Variants in CADM2 observed in about 807,000 individuals in gnomAD.
CADM2 encodes immunoglobulin superfamily member 4D.
Under a neutral mutation model 49.8 loss-of-function variants are expected in CADM2, and 12 were observed. That is an observed-to-expected ratio of 0.24 (90% CI 0.15 to 0.39). The LOEUF is 0.39. Among genes scored for constraint, CADM2 ranks in the 10% least tolerant of loss-of-function variants. CADM2 has a pLI of 1.00. For missense variants in CADM2, 378 were observed against 492.3 expected, an observed-to-expected ratio of 0.77 and a Z score of 2.20; for synonymous variants, 214 against 175.4, an observed-to-expected ratio of 1.22 and a Z score of -1.74.
intron 1 of CADM2, among the ~76,000 whole-genome samples, chr3:85,074,876 CT>C (rs1158295961): frequency 4.0e-5 from 6 of 151,538 alleles, no homozygotes; most frequent in Admixed American, 6.6e-5. Flanking sequence ...TAAGTATCAA[CT>C]TTCCTTCCAT....
At chr3:85,909,827 A>C (rs2108473883) in intron 5 of CADM2, among the ~76,000 whole-genome samples, 1 of 152,306 alleles carries the variant, frequency 6.6e-6, no homozygotes, top group South Asian at 2.1e-4. Context: ...ATGCATCGTT[A>C]TTTTAAAAAT....
intron 1 of CADM2, among the ~76,000 whole-genome samples, chr3:85,568,396 C>G (rs10222456): frequency 9.8e-6 from 1 of 102,564 alleles, no homozygotes; most frequent in African/African-American, 3.0e-5. Context: ...TTCCTTCCTC[C>G]CTCTTTCTTT....
At chr3:85,757,267 G>T (rs767900113) in intron 2 of CADM2, among the ~76,000 whole-genome samples, 1 of 152,038 alleles carries the variant, frequency 6.6e-6, no homozygotes, top group Admixed American at 6.6e-5. Flanking sequence ...TTGAAGACGC[G>T]TATTTGTTCA....
intron 8 of CADM2, among the ~76,000 whole-genome samples, chr3:85,977,869 G>A (rs890194776): frequency 1.3e-5 from 2 of 151,552 alleles, no homozygotes; most frequent in South Asian, 2.1e-4. Context: ...ATAAGAGAGC[G>A]ATCTCATGCT....
chr3:85,239,628 G>T (rs1489573316), intron 1 of CADM2, among the ~76,000 whole-genome samples: 1 of 151,418 alleles, frequency 6.6e-6, no homozygotes, highest in African/African-American at 2.4e-5. Flanking sequence ...CTATTCTTAA[G>T]ATTATATTAG....
chr3:85,383,503 C>CATATATATAT lies in CADM2; in HGVS notation c.62-343016_62-343007dup, dbSNP rs1241135851. Among the ~76,000 whole-genome samples the CATATATATAT allele has an allele frequency of 9.5e-3, 1,033 of 108,956 alleles. 20 individuals are homozygous for CATATATATAT. Among genetic ancestry groups the CATATATATAT allele is most frequent in the Middle Eastern group, 0.022 (4 of 186 alleles). The allele number at this position is 108,956 out of a possible 152,430, so 71.5% of individuals were successfully genotyped here. On this transcript the variant is annotated intron_variant, in intron 1 of 9. Coordinates refer to ENST00000383699, the MANE Select transcript of CADM2 (RefSeq NM_001167675.2). The stretch of plus-strand genomic sequence containing the variant: ...TAATATAATACTTTATACATAAAAC[C>CATATATATAT]ATATATATATATGTATATATATATA...
rs10663610 is a variant in CADM2, at chr3:86,066,332, C to CAAAAAAAAA, written c.1097-315_1097-307dup. ...TGGGCGAGAGAGCGAGACTCCGTCT[C>CAAAAAAAAA]AAAAAAAAAAAAAAAAAAAAAAAAA... On this transcript the variant is annotated intron_variant, in intron 9 of 9. Transcript: ENST00000383699. Among the ~76,000 whole-genome samples the CAAAAAAAAA allele has an allele frequency of 9.5e-3, 289 of 30,324 alleles. 57 individuals are homozygous for CAAAAAAAAA. Among genetic ancestry groups the CAAAAAAAAA allele is most frequent in the South Asian group, 0.051 (21 of 412 alleles). The allele number at this position is 30,324 out of a possible 152,430, so 19.9% of individuals were successfully genotyped here. A position where few individuals can be genotyped will look rare whatever the true frequency, so the allele number is the denominator to read the frequency against.
intron 1 of CADM2, among the ~76,000 whole-genome samples, chr3:85,250,274 T>C (rs2042745256): frequency 6.6e-6 from 1 of 151,678 alleles, no homozygotes; most frequent in Non-Finnish European, 1.5e-5. Flanking sequence ...ATTTGTATTA[T>C]AAGAAACTCT....
intron 1 of CADM2, among the ~76,000 whole-genome samples, chr3:85,295,517 A>G (rs958333015): frequency 1.3e-5 from 2 of 152,126 alleles, no homozygotes; most frequent in African/African-American, 4.8e-5. Flanking sequence ...CATTATTCAC[A>G]ATAGCAAAGA....
At chr3:85,083,711 TA>T (rs1483273460) in intron 1 of CADM2, among the ~76,000 whole-genome samples, 1 of 152,164 alleles carries the variant, frequency 6.6e-6, no homozygotes, top group Non-Finnish European at 1.5e-5. Flanking sequence ...AAAATATTTT[TA>T]AAATCTCCTT....
intron 2 of CADM2, chr3:85,800,439 C>G (rs1311066001): frequency 6.4e-6 from 1 of 155,304 alleles, no homozygotes; most frequent in African/African-American, 2.4e-5. Flanking sequence ...ATACCAAAAA[C>G]AAACAAACAA....
At chr3:85,061,038 A>G (rs765028980) in intron 1 of CADM2, among the ~76,000 whole-genome samples, 5 of 152,158 alleles carry the variant, frequency 3.3e-5, no homozygotes, top group Non-Finnish European at 5.9e-5. Flanking sequence ...TTTAATAATG[A>G]TAACAAAGAC....
intron 1 of CADM2, among the ~76,000 whole-genome samples, chr3:85,085,763 G>A (rs2220243): frequency 0.74 from 112,027 of 152,080 alleles, 42,317 homozygotes; most frequent in African/African-American, 0.89. Context: ...TATATATAAC[G>A]AGTTGACCCC....
intron 1 of CADM2, among the ~76,000 whole-genome samples, chr3:85,090,936 C>T (rs1413821368): frequency 1.3e-5 from 2 of 152,124 alleles, no homozygotes; most frequent in Non-Finnish European, 2.9e-5. Context: ...TTCGTGGTAT[C>T]AAAAAGGTTG....
intron 1 of CADM2, among the ~76,000 whole-genome samples, chr3:85,299,526 A>G (rs2044043291): frequency 5.3e-5 from 8 of 152,076 alleles, no homozygotes; most frequent in Admixed American, 4.6e-4. Context: ...GAAGGAAGAC[A>G]TAGAAAATGT....
At chr3:85,106,503 T>G (rs897497363) in intron 1 of CADM2, among the ~76,000 whole-genome samples, 3 of 152,136 alleles carry the variant, frequency 2.0e-5, no homozygotes, top group Admixed American at 2.0e-4. Flanking sequence ...GGTTCCTTAT[T>G]CACTTATACC....
At chr3:85,227,654 A>G (rs765589304) in intron 1 of CADM2, among the ~76,000 whole-genome samples, 13 of 151,888 alleles carry the variant, frequency 8.6e-5, no homozygotes, top group Non-Finnish European at 1.6e-4. Context: ...TAATTTTGTT[A>G]TGTGTGAATT....
At chr3:85,438,320 A>C (rs9825494) in intron 1 of CADM2, among the ~76,000 whole-genome samples, 3,273 of 151,828 alleles carry the variant, frequency 0.022, 111 homozygotes, top group African/African-American at 0.074. Flanking sequence ...AATATGGATC[A>C]TTATCTGTAT....
intron 1 of CADM2, among the ~76,000 whole-genome samples, chr3:85,200,305 A>C (rs79749903): frequency 0.017 from 2,551 of 152,166 alleles, 34 homozygotes; most frequent in South Asian, 0.026. Flanking sequence ...TTCCTTGGCC[A>C]TTAAGGTACT....
Sources: gnomAD v4.1 joint callset for allele counts (sites outside exome capture counted in the v4.1 genomes callset) on GRCh38, gnomAD v4.1.1 for gene constraint, MANE v1.5 for transcripts, NCBI Gene and HGNC (gene_info 2026-07-23, HGNC 2026-07-21) for gene names.